Variants in NETO1 observed in about 807,000 individuals in gnomAD.
NETO1 encodes the protein neuropilin and tolloid like 1, also known as neuropilin and tolloid-like protein 1.
Under a neutral mutation model 61.3 loss-of-function variants are expected in NETO1, and 26 were observed. The observed-to-expected ratio is 0.42, with a 90% confidence interval of 0.31 to 0.59. The LOEUF (loss-of-function observed/expected upper bound fraction) is 0.59. Among genes scored for constraint, NETO1 ranks in the 20% least tolerant of loss-of-function variants. NETO1 has a pLI of 0.12. For missense variants in NETO1, 531 were observed against 662.8 expected (o/e 0.80, Z 2.18); for synonymous variants, 225 against 225.8 (o/e 1.00, Z 0.03).
intron 7 of NETO1, among the ~76,000 whole-genome samples, chr18:72,780,390 A>G (rs1454777412): frequency 2.0e-5 from 3 of 152,068 alleles, no homozygotes; most frequent in Non-Finnish European, 4.4e-5. Flanking sequence ...TTGAAACTCT[A>G]TTTTTTTGTA....
chr18:72,772,793 TTCTCTC>T (rs71166423), intron 7 of NETO1, among the ~76,000 whole-genome samples: 100 of 58,908 alleles, frequency 1.7e-3, no homozygotes, highest in African/African-American at 2.4e-3. Flanking sequence ...CTCTATATAG[TTCTCTC>T]TCTCTCTCTC....
In NETO1 at chr18:72,789,850, G is replaced by C. The variant is rs144672524; in HGVS notation, c.639+4267C>G. ...TAAAGGGCTCGTGTGCTTAGATTAC[G>C]CTCACCTGGATAGTCTACCTTTTGA... On this transcript the variant is annotated intron_variant, in intron 6 of 10. Transcript: ENST00000327305. Among the ~76,000 whole-genome samples, 37 of 152,164 alleles carry C rather than the reference G, an allele frequency of 2.4e-4. 1 individual carries two copies. The East Asian group carries it at 7.0e-3, about 29-fold the overall frequency.
chr18:72,867,149 G>A (rs1190435248), intron 1 of NETO1, 115 bp downstream of exon 1: 3 of 734,042 alleles, frequency 4.1e-6, no homozygotes, highest in African/African-American at 3.7e-5. Flanking sequence ...ACCCGCGCGG[G>A]ACTGCAGGGT....
rs780552539 is a variant in NETO1, at chr18:72,864,831, C to A, written c.197G>T (p.Arg66Leu). The change falls in exon 3 of 11, where the codon CGG (arginine) becomes CTG (leucine). Residue 66 changes from arginine (R) to leucine (L), a missense_variant. By Grantham distance (102) the Arg-to-Leu change is moderately radical. Transcript: ENST00000327305. ...PNYPSKYPPD[R>L]ECIYIIEAAP... Reference sequence around the variant, plus strand: ...ACCTTCTATGATGTAGATGCATTCCCGGTCAGGGGGATACTTGCTGGGATA... The same window carrying A: ...ACCTTCTATGATGTAGATGCATTCCAGGTCAGGGGGATACTTGCTGGGATA... 2 of 1,613,540 alleles carry A rather than the reference C, an allele frequency of 1.2e-6. No homozygotes were observed. Among genetic ancestry groups the A allele is most frequent in the East Asian group, 4.5e-5 (2 of 44,862 alleles).
chr18:72,814,443 G>A (rs9960092), intron 4 of NETO1, among the ~76,000 whole-genome samples: 138,091 of 150,170 alleles, frequency 0.92, 64,219 homozygotes, highest in East Asian at 1. Context: ...GGAAATTATA[G>A]TAAGAAGAAG....
intron 4 of NETO1, among the ~76,000 whole-genome samples, chr18:72,816,793 C>A (rs918608633): frequency 6.6e-6 from 1 of 151,776 alleles, no homozygotes; most frequent in Non-Finnish European, 1.5e-5. Context: ...GGGGAGCTTG[C>A]CTTTTTAGTT....
At chr18:72,751,215 A>T (rs927619145) in intron 8 of NETO1, among the ~76,000 whole-genome samples, 2 of 152,166 alleles carry the variant, frequency 1.3e-5, no homozygotes, top group African/African-American at 4.8e-5. Context: ...TATTTTAAAA[A>T]CTCAACCAAT....
chr18:72,772,823 C>CTA (rs2071414773), intron 7 of NETO1, among the ~76,000 whole-genome samples: 12 of 38,862 alleles, frequency 3.1e-4, no homozygotes, highest in South Asian at 1.2e-3. Flanking sequence ...CTCTCTCTCT[C>CTA]TCTATATATA....
In NETO1 at chr18:72,858,887, T is replaced by A; in HGVS notation, c.408A>T (p.Lys136Asn). 6.2e-7 allele frequency: 1 copy of A among 1,613,898 alleles called. No individual in the cohort carries two copies. Among genetic ancestry groups the A allele is most frequent in the Non-Finnish European group, 8.5e-7 (1 of 1,179,872 alleles). Residue 136 changes from lysine (K) to asparagine (N), a missense_variant, in exon 4 of 11, where the codon AAA (lysine) becomes AAT (asparagine). Lys to Asn is a moderately conservative substitution (Grantham distance 94). Coordinates refer to ENST00000327305, the MANE Select transcript of NETO1 (RefSeq NM_138966.5). ...IKSSGRFLWI[K>N]FFADGELESM... ...ATTCCAGCTCTCCATCAGCAAAAAA[T>A]TTAATCCATAGAAATCTTCCACTGG...
chr18:72,756,153 A>G lies in NETO1; in HGVS notation c.869-6T>C. ...TGTGTTGCCTTCACAAGGAGCTAAAAAGAAGAAGAACAAGACAAAGGAGGA... is the reference window on the plus strand; with the variant it reads ...TGTGTTGCCTTCACAAGGAGCTAAAGAGAAGAAGAACAAGACAAAGGAGGA... On this transcript the variant is annotated splice_region_variant and splice_polypyrimidine_tract_variant and intron_variant, in intron 7 of 10. Coordinates refer to ENST00000327305, the MANE Select transcript of NETO1 (RefSeq NM_138966.5). The G allele has an allele frequency of 6.9e-7, 1 of 1,447,978 alleles. No homozygotes were observed. Among genetic ancestry groups the G allele is most frequent in the Middle Eastern group, 1.7e-4 (1 of 5,750 alleles). The allele number at this position is 1,447,978 out of a possible 1,614,324, so 89.7% of individuals were successfully genotyped here.
intron 2 of NETO1, 80 bp from the exon 3 acceptor site, chr18:72,865,025 A>C (rs2074692716): frequency 6.8e-7 from 1 of 1,480,006 alleles, no homozygotes; most frequent in African/African-American, 1.4e-5. Flanking sequence ...CATTCTTATA[A>C]TATCCATTAG....
chr18:72,776,068 C>T (rs2071536365), intron 7 of NETO1, among the ~76,000 whole-genome samples: 1 of 152,056 alleles, frequency 6.6e-6, no homozygotes, highest in African/African-American at 2.4e-5. Context: ...TAAAAAAAGA[C>T]GTATGTAGCT....
chr18:72,750,870 A>AACACACACACAC (rs1239391802), intron 8 of NETO1, among the ~76,000 whole-genome samples: 1 of 86,934 alleles, frequency 1.2e-5, no homozygotes, highest in Non-Finnish European at 2.4e-5. Flanking sequence ...CTCAGCTTAA[A>AACACACACACAC]ATACACACAC....
intron 7 of NETO1, among the ~76,000 whole-genome samples, chr18:72,765,237 A>G (rs938796211): frequency 1.3e-5 from 2 of 152,032 alleles, no homozygotes; most frequent in Non-Finnish European, 1.5e-5. Flanking sequence ...TCCTGCCCTC[A>G]TCCTTCCCAC....
At chr18:72,843,214 G>A (rs1292488737) in intron 4 of NETO1, among the ~76,000 whole-genome samples, 3 of 152,060 alleles carry the variant, frequency 2.0e-5, no homozygotes, top group East Asian at 1.9e-4. Context: ...TGTAGTCAAC[G>A]GTCATTAATA....
intron 7 of NETO1, among the ~76,000 whole-genome samples, chr18:72,762,512 T>G (rs949494046): frequency 1.3e-5 from 2 of 152,218 alleles, no homozygotes; most frequent in Non-Finnish European, 2.9e-5. Context: ...ATATATACAT[T>G]AAAAACACAC....
At chr18:72,778,864 C>A (rs528754821) in intron 7 of NETO1, among the ~76,000 whole-genome samples, 1 of 152,266 alleles carries the variant, frequency 6.6e-6, no homozygotes, top group South Asian at 2.1e-4. Flanking sequence ...AAAGCCACTG[C>A]CACCTATTTT....
chr18:72,867,339 A>T lies in NETO1; in HGVS notation c.-48T>A. The T allele has an allele frequency of 6.6e-7, 1 of 1,517,564 alleles. No homozygotes were observed. The highest frequency in any genetic ancestry group is 8.9e-7 in the Non-Finnish European group (1 of 1,124,806). The allele number at this position is 1,517,564 out of a possible 1,614,324, so 94.0% of individuals were successfully genotyped here. ...TCCGGGCTCCACTAATTCCATTTAGAGACGGGAAGACTTCCAGTGGCGGGG... is the reference window on the plus strand; with the variant it reads ...TCCGGGCTCCACTAATTCCATTTAGTGACGGGAAGACTTCCAGTGGCGGGG... On this transcript the variant is annotated 5_prime_UTR_variant, in exon 1 of 11. Coordinates refer to ENST00000327305, the MANE Select transcript of NETO1 (RefSeq NM_138966.5).
At chr18:72,842,165 G>C (rs1425237005) in intron 4 of NETO1, among the ~76,000 whole-genome samples, 2 of 152,140 alleles carry the variant, frequency 1.3e-5, no homozygotes, top group Non-Finnish European at 2.9e-5. Flanking sequence ...CCTGTGGGGG[G>C]AAATGTTCAA....
Sources: allele counts gnomAD v4.1 joint callset (sites outside exome capture counted in the v4.1 genomes callset), GRCh38; gene constraint gnomAD v4.1.1; transcripts MANE v1.5; gene names NCBI Gene and HGNC (gene_info 2026-07-23, HGNC 2026-07-21).